Variants in CDH12 observed in about 807,000 individuals in gnomAD.
The protein encoded by CDH12 is cadherin-12.
A neutral mutation model predicts 74.1 loss-of-function variants in CDH12; 41 were observed. The ratio of observed to expected loss-of-function variants is 0.55; its 90% CI spans 0.43 to 0.72. CDH12 has a LOEUF of 0.72. CDH12 is among the 30% of genes least tolerant of loss of function. The pLI is 0.00. For missense variants in CDH12, 945 were observed against 977.2 expected (o/e 0.97, Z 0.44); for synonymous variants, 399 against 355.0 (o/e 1.12, Z -1.39).
chr5:22,699,705 T>C (rs1025826506), intron 1 of CDH12, among the ~76,000 whole-genome samples: 5 of 152,120 alleles, frequency 3.3e-5, no homozygotes, highest in African/African-American at 1.2e-4. Context: ...AGGCAGAAGG[T>C]GTTATAAGAC....
chr5:22,446,788 A>G (rs1290564218), intron 2 of CDH12, among the ~76,000 whole-genome samples: 14 of 152,128 alleles, frequency 9.2e-5, no homozygotes, highest in Non-Finnish European at 1.5e-5. Context: ...TCCATAATAT[A>G]TTGATATTTC....
Position 22,319,940 on chromosome 5 carries a change from C to A in CDH12, c.-333+85317G>T, listed in dbSNP as rs146590568. On this transcript the variant is annotated intron_variant, in intron 3 of 14. Coordinates refer to ENST00000382254, the MANE Select transcript of CDH12 (RefSeq NM_004061.5). Reference sequence around the variant, plus strand: ...GAAGAAGGATAAAAAGGGGAAGAGACGGGAGCAGGAGAAGGGAGATGGAGA... The same window carrying A: ...GAAGAAGGATAAAAAGGGGAAGAGAAGGGAGCAGGAGAAGGGAGATGGAGA... 1.2e-3 allele frequency among the ~76,000 whole-genome samples: 188 copies of A among 151,968 alleles called. 2 individuals carry two copies. The highest frequency in any genetic ancestry group is 4.4e-3 in the African/African-American group (182 of 41,436).
chr5:22,013,271 A>G (rs1038225264), intron 5 of CDH12, among the ~76,000 whole-genome samples: 3 of 152,178 alleles, frequency 2.0e-5, no homozygotes, highest in African/African-American at 7.2e-5. Flanking sequence ...AAAGCAGGGA[A>G]GAACTCCTTA....
chr5:22,394,370 A>G (rs937414130), intron 3 of CDH12, among the ~76,000 whole-genome samples: 2 of 152,148 alleles, frequency 1.3e-5, no homozygotes, highest in African/African-American at 4.8e-5. Flanking sequence ...TAAGATGATA[A>G]TATGACAGAA....
chr5:22,154,538 T>C (rs1464838060), intron 4 of CDH12, among the ~76,000 whole-genome samples: 1 of 45,370 alleles, frequency 2.2e-5, no homozygotes, highest in Non-Finnish European at 4.6e-5. Flanking sequence ...CATATGTATA[T>C]ATGTATATGT....
intron 6 of CDH12, among the ~76,000 whole-genome samples, chr5:21,961,815 G>A (rs1756375673): frequency 6.6e-6 from 1 of 152,064 alleles, no homozygotes; most frequent in Non-Finnish European, 1.5e-5. Context: ...CATTTTTGTT[G>A]CTTGAGGCAC....
At chr5:22,718,632 A>T (rs1743712436) in intron 1 of CDH12, among the ~76,000 whole-genome samples, 1 of 152,082 alleles carries the variant, frequency 6.6e-6, no homozygotes. Flanking sequence ...GTATGGTGGG[A>T]GCTCAGGGTC....
intron 1 of CDH12, among the ~76,000 whole-genome samples, chr5:22,556,795 C>A (rs1032601591): frequency 6.6e-6 from 1 of 151,990 alleles, no homozygotes; most frequent in African/African-American, 2.4e-5. Flanking sequence ...ATTGTAAATT[C>A]TTTTTCTGGC....
chr5:22,628,707 A>T (rs1488619752), intron 1 of CDH12, among the ~76,000 whole-genome samples: 1 of 152,122 alleles, frequency 6.6e-6, no homozygotes, highest in Non-Finnish European at 1.5e-5. Context: ...ACAAGAATAA[A>T]CCAATGTCAA....
rs1396400867 is a variant in CDH12 at position 22,029,666 on chromosome 5, G to A, written c.231+48780C>T. 2.6e-5 allele frequency among the ~76,000 whole-genome samples: 4 copies of A among 152,316 alleles called. No homozygotes were observed. In the East Asian group the frequency reaches 7.7e-4, roughly 29 times the overall value. On this transcript the variant is annotated intron_variant, in intron 5 of 14. Coordinates refer to ENST00000382254, the MANE Select transcript of CDH12 (RefSeq NM_004061.5). The stretch of plus-strand genomic sequence containing the variant: ...TGGAACACTTTTACACTGTTGGTGG[G>A]ACTGTAAACTAGATCAACCATTGTG...
At chr5:22,398,180 T>C (rs79831527) in intron 3 of CDH12, among the ~76,000 whole-genome samples, 1,522 of 152,188 alleles carry the variant, frequency 0.01, 26 homozygotes, top group African/African-American at 0.033. Flanking sequence ...ACCAGTAATA[T>C]GGCAAATTGC....
chr5:21,799,688 A>G (rs1163505893), intron 10 of CDH12, among the ~76,000 whole-genome samples: 4 of 152,190 alleles, frequency 2.6e-5, no homozygotes, highest in Non-Finnish European at 1.5e-5. Context: ...AGCATTCATA[A>G]TTCTCCAAAT....
intron 1 of CDH12, among the ~76,000 whole-genome samples, chr5:22,806,854 T>C (rs1195261461): frequency 6.6e-6 from 1 of 152,230 alleles, no homozygotes; most frequent in Admixed American, 6.5e-5. Flanking sequence ...TTAAGTTATT[T>C]GTAGATTCTG....
chr5:22,795,858 A>G (rs144032227), intron 1 of CDH12, among the ~76,000 whole-genome samples: 3 of 152,174 alleles, frequency 2.0e-5, no homozygotes, highest in African/African-American at 7.2e-5. Flanking sequence ...TGAGGAAGTC[A>G]GAACTAGATT....
rs998715408 is a variant in CDH12 at position 22,396,814 on chromosome 5, G to C, written c.-333+8443C>G. Among the ~76,000 whole-genome samples the C allele has an allele frequency of 1.3e-4, 20 of 152,016 alleles. 1 individual carries two copies. The highest frequency in any genetic ancestry group is 2.9e-5 in the Non-Finnish European group (2 of 67,980). On this transcript the variant is annotated intron_variant, in intron 3 of 14. Coordinates refer to ENST00000382254, the MANE Select transcript of CDH12 (RefSeq NM_004061.5). The stretch of plus-strand genomic sequence containing the variant: ...CTATCCTACAAACTCAAGATTTTCT[G>C]TTAGTCATTGGTTTCTTTAACTCTT...
At position 22,204,350 on chromosome 5, in the gene CDH12, CG is replaced by C. The variant is rs1265830820; in HGVS notation, c.-187+8147del. 4.1e-4 allele frequency among the ~76,000 whole-genome samples: 63 copies of C among 152,024 alleles called. 1 individual carries two copies. Among genetic ancestry groups the C allele is most frequent in the African/African-American group, 1.4e-3 (58 of 41,506 alleles). On this transcript the variant is annotated intron_variant, in intron 4 of 14. Transcript: ENST00000382254. ...TAGTTTTTTGTATTTTTAGTAGAGACGGGGGTTTCACCGTGTTAGCCAGGAT... is the reference window on the plus strand; with the variant it reads ...TAGTTTTTTGTATTTTTAGTAGAGACGGGGTTTCACCGTGTTAGCCAGGAT...
In CDH12 at chr5:22,699,864, A is replaced by G. The variant is rs377519846; in HGVS notation, c.-523+153194T>C. On this transcript the variant is annotated intron_variant, in intron 1 of 14. Coordinates refer to ENST00000382254, the MANE Select transcript of CDH12 (RefSeq NM_004061.5). ...GTGAATCATATTAATGCCTATTGCT[A>G]TTAGATTATGTTAATATCATGCATC... Among the ~76,000 whole-genome samples, 16 of 152,246 alleles carry G rather than the reference A, an allele frequency of 1.1e-4. No individual in the cohort carries two copies. The South Asian group carries it at 1.5e-3, about 14-fold the overall frequency.
rs185374780 is a variant in CDH12, at chr5:22,660,308, G to A, written c.-522-154944C>T. 1.2e-3 allele frequency among the ~76,000 whole-genome samples: 178 copies of A among 152,272 alleles called. 1 individual carries two copies. The highest frequency in any genetic ancestry group is 4.2e-3 in the African/African-American group (173 of 41,558). On this transcript the variant is annotated intron_variant, in intron 1 of 14. Coordinates refer to ENST00000382254, the MANE Select transcript of CDH12 (RefSeq NM_004061.5). ...ACTTGGCTTAGACCCAGTTAGTTAT[G>A]ACTATGCATTGGTTATTAAATGATA...
At chr5:21,852,221 C>T (rs1193466633) in intron 7 of CDH12, among the ~76,000 whole-genome samples, 2 of 151,384 alleles carry the variant, frequency 1.3e-5, no homozygotes, top group African/African-American at 4.8e-5. Context: ...CCACTCTTTT[C>T]CTGCCTAGTG....
Sources: allele counts gnomAD v4.1 joint callset (sites outside exome capture counted in the v4.1 genomes callset), GRCh38; gene constraint gnomAD v4.1.1; transcripts MANE v1.5; gene names NCBI Gene and HGNC (gene_info 2026-07-23, HGNC 2026-07-21).